SNX27: variants seen among roughly 807,000 people sequenced by gnomAD.
SNX27 encodes sorting nexin-27.
Under a neutral mutation model 71.6 loss-of-function variants are expected in SNX27, and 22 were observed. The observed-to-expected ratio is 0.31, with a 90% CI of 0.22 to 0.44. The LOEUF (loss-of-function observed/expected upper bound fraction) is 0.44, where lower values mean the gene tolerates loss of function less well. Among genes scored for constraint, SNX27 ranks in the 20% least tolerant of loss-of-function variants. The pLI is 1.00. For missense variants in SNX27, 531 were observed against 698.6 expected (o/e 0.76, Z 2.70); for synonymous variants, 269 against 277.2 (o/e 0.97, Z 0.29).
At chr1:151,685,721 C>T (rs536370105) in intron 8 of SNX27, among the ~76,000 whole-genome samples, 4 of 152,102 alleles carry the variant, frequency 2.6e-5, no homozygotes, top group Non-Finnish European at 5.9e-5. Context: ...ACCAGTCAGC[C>T]ATTGAACTTA....
chr1:151,658,724 G>A (rs935578880), intron 3 of SNX27, among the ~76,000 whole-genome samples: 7 of 152,042 alleles, frequency 4.6e-5, no homozygotes, highest in Admixed American at 6.5e-5. Flanking sequence ...TCGCTCTGTC[G>A]CCAGGCTGGA....
At position 151,665,983 on chromosome 1, in the gene SNX27, C is replaced by T; in HGVS notation, c.957C>T (p.Ala319=). 6.2e-7 allele frequency: 1 copy of T among 1,610,836 alleles called. No homozygotes were observed. Among genetic ancestry groups the T allele is most frequent in the South Asian group, 1.1e-5 (1 of 90,588 alleles). ...GMDSTTVNYF[A]LFEVISHSFV... Reference sequence around the variant, plus strand: ...ACAGTACGACAGTGAATTACTTTGCCTTATTTGAAGTGATCAGTCACTCCT... The same window carrying T: ...ACAGTACGACAGTGAATTACTTTGCTTTATTTGAAGTGATCAGTCACTCCT... Residue 319 remains alanine (A), a synonymous_variant, in exon 6 of 12, where the codon GCC becomes GCT. Transcript: ENST00000458013.
chr1:151,621,910 T>G (rs895810378), intron 1 of SNX27, among the ~76,000 whole-genome samples: 2 of 152,236 alleles, frequency 1.3e-5, no homozygotes, highest in African/African-American at 2.4e-5. Context: ...GAAACAGCAA[T>G]GAGTTTTGTT....
chr1:151,661,212 C>T (rs1010225975), intron 4 of SNX27: 2 of 206,270 alleles, frequency 9.7e-6, no homozygotes, highest in Non-Finnish European at 1.0e-5. Flanking sequence ...TTTTAGCTTA[C>T]AAGAGTGTGA....
rs570652774 is a variant in SNX27, at chr1:151,696,526, T to G, written c.*2109T>G. The G allele has an allele frequency of 5.6e-5, 8 of 143,808 alleles. No homozygotes were observed. The South Asian group carries it at 1.5e-3, about 27-fold the overall frequency. 8.9% of individuals were successfully genotyped at this position (143,808 alleles called of 1,614,324 possible). Reference sequence around the variant, plus strand: ...CTTTCGTTCTTTCGTTCTTTCGTTCTTTCTTTCTTTCTTTCTTTCTCTTTC... The same window carrying G: ...CTTTCGTTCTTTCGTTCTTTCGTTCGTTCTTTCTTTCTTTCTTTCTCTTTC... On this transcript the variant is annotated 3_prime_UTR_variant, in exon 12 of 12. Transcript: ENST00000458013.
At chr1:151,623,477 T>C (rs768798529) in intron 1 of SNX27, among the ~76,000 whole-genome samples, 1 of 151,912 alleles carries the variant, frequency 6.6e-6, no homozygotes, top group Non-Finnish European at 1.5e-5. Context: ...TGTTGGCCAG[T>C]CTGGTCTTCT....
chr1:151,693,706 G>A, intron 11 of SNX27: 1 of 1,609,280 alleles, frequency 6.2e-7, no homozygotes, highest in Non-Finnish European at 8.5e-7. Context: ...CCCTTGTCTA[G>A]AGGGTGGACA....
chr1:151,651,405 C>T (rs1355797247), intron 2 of SNX27, among the ~76,000 whole-genome samples: 9 of 151,032 alleles, frequency 6.0e-5, no homozygotes, highest in African/African-American at 1.7e-4. Context: ...CCCTCCCGGA[C>T]GGGGTGGCTG....
At chr1:151,618,322 TGCTATC>T (rs1667520785) in intron 1 of SNX27, among the ~76,000 whole-genome samples, 1 of 152,232 alleles carries the variant, frequency 6.6e-6, no homozygotes, top group Admixed American at 6.5e-5. Flanking sequence ...CCTTTATTAT[TGCTATC>T]TTTACCCTGT....
rs139434810 is a variant in SNX27, at chr1:151,674,596, C to T, written c.1149+5961C>T. On this transcript the variant is annotated intron_variant, in intron 7 of 11. Transcript: ENST00000458013. The stretch of plus-strand genomic sequence containing the variant: ...TGCTGGGATTACAGGCATGAGCCAT[C>T]GTGCCTAGCCAAATCACTAGTCTTC... 2.1e-3 allele frequency among the ~76,000 whole-genome samples: 317 copies of T among 152,208 alleles called. 2 individuals carry two copies. Among genetic ancestry groups the T allele is most frequent in the African/African-American group, 7.2e-3 (298 of 41,534 alleles).
At chr1:151,660,686 C>A in intron 3 of SNX27, 112 bp from the exon 4 acceptor site, 2 of 776,062 alleles carry the variant, frequency 2.6e-6, no homozygotes, top group Middle Eastern at 2.4e-4. Flanking sequence ...TTGCCTGCTA[C>A]TGATGATTTA....
intron 2 of SNX27, among the ~76,000 whole-genome samples, chr1:151,641,074 G>A (rs915367835): frequency 6.6e-6 from 1 of 152,168 alleles, no homozygotes; most frequent in East Asian, 1.9e-4. Context: ...CCATTGTATA[G>A]ATTTACTACA....
chr1:151,634,678 C>T (rs1668393632), intron 1 of SNX27, among the ~76,000 whole-genome samples: 1 of 152,148 alleles, frequency 6.6e-6, no homozygotes, highest in Non-Finnish European at 1.5e-5. Context: ...TAGATATCAT[C>T]TGTGTAACTA....
chr1:151,685,790 A>G (rs1671171616), intron 8 of SNX27, among the ~76,000 whole-genome samples: 1 of 152,248 alleles, frequency 6.6e-6, no homozygotes, highest in South Asian at 2.1e-4. Flanking sequence ...GATGAAAAGT[A>G]ATAAATCTCT....
intron 6 of SNX27, chr1:151,667,198 A>C (rs547923983): frequency 7.0e-6 from 1 of 143,042 alleles, no homozygotes; most frequent in South Asian, 2.3e-4. Context: ...ACAGTGAGCT[A>C]TGATTGTGCT....
chr1:151,692,580 T>G lies in SNX27; in HGVS notation c.1385T>G (p.Leu462Arg), dbSNP rs774527735. The G allele has an allele frequency of 6.2e-7, 1 of 1,612,106 alleles. No homozygotes were observed. The highest frequency in any genetic ancestry group is 8.5e-7 in the Non-Finnish European group (1 of 1,179,498). Residue 462 changes from leucine (L) to arginine (R), a missense_variant, in exon 9 of 12, where the codon CTG becomes CGG. Around this residue, in one of 5 missense-constraint regions of SNX27, gnomAD observed 157 missense variants for 178.4 expected, o/e 0.88. Transcript: ENST00000458013. The stretch of plus-strand genomic sequence containing the variant: ...CATGCCTGCACTGAAGAAGGACAGC[T>G]GGAGGTGAGTTTTCAGCATAGGGCT... ...KLHACTEEGQ[L>R]ENQVIAFEWD...
At chr1:151,691,606 A>T (rs545256320) in intron 8 of SNX27, among the ~76,000 whole-genome samples, 8 of 150,922 alleles carry the variant, frequency 5.3e-5, no homozygotes, top group African/African-American at 1.5e-4. Flanking sequence ...GAGTAGCTGG[A>T]ATTACAGGCA....
chr1:151,683,237 G>A (rs1671046411), intron 7 of SNX27, 119 bp from the exon 8 acceptor site: 1 of 700,492 alleles, frequency 1.4e-6, no homozygotes, highest in Non-Finnish European at 2.4e-6. Context: ...CACTGGTAAT[G>A]ATGGTGGTCC....
intron 1 of SNX27, among the ~76,000 whole-genome samples, chr1:151,630,246 A>G (rs913115230): frequency 1.2e-4 from 18 of 152,126 alleles, no homozygotes; most frequent in Admixed American, 1.3e-4. Context: ...GCCTTAGGAT[A>G]AATTCTCAGT....
Sources: allele counts gnomAD v4.1 joint callset (sites outside exome capture counted in the v4.1 genomes callset), GRCh38; gene constraint gnomAD v4.1.1; regional missense constraint gnomAD v4.1.1; transcripts MANE v1.5; gene names NCBI Gene and HGNC (gene_info 2026-07-23, HGNC 2026-07-21).